Variants in VCL observed in about 807,000 individuals in gnomAD.
The protein encoded by VCL is vinculin.
Under a neutral mutation model 125.7 loss-of-function variants are expected in VCL, and 47 were observed. That is an observed-to-expected ratio of 0.37 (90% confidence interval 0.30 to 0.48). The LOEUF is 0.48. Ranked by LOEUF, VCL falls within the 20% of genes least tolerant of loss-of-function variation. The pLI, the probability that VCL is intolerant of heterozygous loss-of-function variation, is 0.99. For synonymous variants in VCL, 458 were observed against 514.6 expected (o/e 0.89, Z 1.49); for missense variants, 1,069 against 1,455.5 (o/e 0.73, Z 4.32).
chr10:74,089,433 C>T, intron 9 of VCL, 84 bp downstream of exon 9: 1 of 1,581,510 alleles, frequency 6.3e-7, no homozygotes, highest in Non-Finnish European at 8.6e-7. Flanking sequence ...TTCTCTGTCT[C>T]TTATCATTTA....
chr10:74,042,224 A>T (rs1351653028), intron 1 of VCL, among the ~76,000 whole-genome samples: 1 of 152,212 alleles, frequency 6.6e-6, no homozygotes, highest in African/African-American at 2.4e-5. Flanking sequence ...TGGCCCACAT[A>T]GTACTCAACC....
intron 1 of VCL, among the ~76,000 whole-genome samples, chr10:74,026,952 A>G (rs530127380): frequency 6.6e-6 from 1 of 152,370 alleles, no homozygotes; most frequent in South Asian, 2.1e-4. Flanking sequence ...CCATGGAGAC[A>G]ATGTTACATG....
In VCL at chr10:74,072,319, C is replaced by T. The variant is rs941694634; in HGVS notation, c.500-411C>T. 2.6e-5 allele frequency among the ~76,000 whole-genome samples: 4 copies of T among 152,030 alleles called. No homozygotes were observed. In the South Asian group the frequency reaches 6.2e-4, roughly 24 times the overall value. On this transcript the variant is annotated intron_variant, in intron 4 of 21. Coordinates refer to ENST00000211998, the MANE Select transcript of VCL (RefSeq NM_014000.3). ...AAACATATCATTGTTATTCTTAGAA[C>T]TTTTTTCAGCCACTAGATTCAGTAC...
At chr10:74,054,782 G>A (rs749610249) in intron 2 of VCL, among the ~76,000 whole-genome samples, 4 of 151,940 alleles carry the variant, frequency 2.6e-5, no homozygotes, top group Non-Finnish European at 5.9e-5. Context: ...TTAGCTGGGC[G>A]TGATGCTGCA....
Position 74,023,592 on chromosome 10 carries a change from T to C in VCL, c.169-19491T>C, listed in dbSNP as rs140358501. On this transcript the variant is annotated intron_variant, in intron 1 of 21. Coordinates refer to ENST00000211998, the MANE Select transcript of VCL (RefSeq NM_014000.3). ...CTAACTGGGAATAAGTTATCTGAGA[T>C]GGTATAGCCTAATTTACTAATGAGT... Among the ~76,000 whole-genome samples the C allele has an allele frequency of 7.9e-5, 12 of 152,350 alleles. 1 individual carries two copies. The highest frequency in any genetic ancestry group is 2.9e-4 in the African/African-American group (12 of 41,588).
intron 8 of VCL, among the ~76,000 whole-genome samples, chr10:74,085,699 T>C (rs574638705): frequency 9.2e-5 from 14 of 152,062 alleles, no homozygotes; most frequent in Non-Finnish European, 1.8e-4. Context: ...AAACTTGGAA[T>C]AGGATGAGAC....
At chr10:74,029,836 A>G (rs1222501656) in intron 1 of VCL, among the ~76,000 whole-genome samples, 1 of 152,160 alleles carries the variant, frequency 6.6e-6, no homozygotes, top group Non-Finnish European at 1.5e-5. Context: ...TCTGATTATG[A>G]AGGCAATACA....
downstream of VCL, chr10:74,121,226 T>C (rs1285373623): frequency 6.6e-6 from 1 of 152,206 alleles, no homozygotes; most frequent in Non-Finnish European, 1.5e-5. Flanking sequence ...GCTGCCTTCC[T>C]GCTGTAGTAT....
At chr10:74,110,006 G>T (rs1206930712) in intron 18 of VCL, among the ~76,000 whole-genome samples, 3 of 151,984 alleles carry the variant, frequency 2.0e-5, no homozygotes, top group Non-Finnish European at 1.5e-5. Flanking sequence ...TTTCCTCAGG[G>T]ACCTCCTGCA....
intron 1 of VCL, among the ~76,000 whole-genome samples, chr10:74,027,296 G>A (rs1158590146): frequency 2.0e-5 from 3 of 149,310 alleles, no homozygotes; most frequent in South Asian, 2.1e-4. Flanking sequence ...TTAGCTTTCC[G>A]TTTTAAATAT....
chr10:74,053,209 T>C (rs1841337434), intron 2 of VCL, among the ~76,000 whole-genome samples: 1 of 152,080 alleles, frequency 6.6e-6, no homozygotes, highest in African/African-American at 2.4e-5. Flanking sequence ...GTGGTGTCTT[T>C]GGGAGGAAGA....
intron 2 of VCL, among the ~76,000 whole-genome samples, chr10:74,063,168 G>A (rs1841506967): frequency 6.6e-6 from 1 of 152,180 alleles, no homozygotes. Context: ...AAAGTGTTGG[G>A]ATTACAGGCA....
intron 1 of VCL, among the ~76,000 whole-genome samples, chr10:74,021,144 G>A (rs918893131): frequency 6.6e-6 from 1 of 152,042 alleles, no homozygotes; most frequent in Admixed American, 6.6e-5. Flanking sequence ...AATGGGCCCA[G>A]TGCAGATGTC....
rs543855273 is a variant in VCL, at chr10:74,028,585, C to T, written c.169-14498C>T. Among the ~76,000 whole-genome samples the T allele has an allele frequency of 1.2e-3, 188 of 151,878 alleles. 1 individual carries two copies. Among genetic ancestry groups the T allele is most frequent in the Non-Finnish European group, 2.3e-3 (158 of 67,930 alleles). The stretch of plus-strand genomic sequence containing the variant: ...CTAATTTTTGTATTTTTAATAGAGA[C>T]GGGGTTTTACCACGTTGGCCAGGCT... On this transcript the variant is annotated intron_variant, in intron 1 of 21. Transcript: ENST00000211998.
Position 74,070,675 on chromosome 10 carries a change from A to C in VCL, c.245A>C (p.Glu82Ala). ...RDMPPAFIKV[E>A]NACTKLVQAA... ...ACCTGTGTTCTTCCCTATAGGGTTG[A>C]GAATGCTTGCACCAAGCTTGTCCAG... Residue 82 changes from glutamate (E) to alanine (A), a missense_variant, in exon 3 of 22, where the codon GAG (glutamate) becomes GCG (alanine). Around this residue, in one of 6 missense-constraint regions of VCL, gnomAD observed 96 missense variants for 137.6 expected, o/e 0.70. Transcript: ENST00000211998. 1.2e-6 allele frequency: 2 copies of C among 1,614,074 alleles called. No individual in the cohort carries two copies. The highest frequency in any genetic ancestry group is 1.7e-6 in the Non-Finnish European group (2 of 1,180,014).
intron 14 of VCL, among the ~76,000 whole-genome samples, chr10:74,101,320 T>C (rs1398814853): frequency 2.0e-5 from 3 of 149,622 alleles, no homozygotes; most frequent in Non-Finnish European, 4.4e-5. Context: ...ACCCCGACTC[T>C]ACCAAAAAAA....
At chr10:74,081,013 A>AT (rs1228180875) in intron 6 of VCL, among the ~76,000 whole-genome samples, 10 of 152,222 alleles carry the variant, frequency 6.6e-5, no homozygotes, top group African/African-American at 2.2e-4. Context: ...AAAATACCAC[A>AT]TATCTTCTTC....
intron 10 of VCL, among the ~76,000 whole-genome samples, chr10:74,092,930 T>C (rs1429513822): frequency 1.3e-5 from 2 of 152,200 alleles, no homozygotes; most frequent in Non-Finnish European, 2.9e-5. Context: ...ATGTTGTCCT[T>C]GAGGTAGATA....
At chr10:74,000,428 GT>G (rs1253526034) in intron 1 of VCL, among the ~76,000 whole-genome samples, 2 of 151,806 alleles carry the variant, frequency 1.3e-5, no homozygotes, top group Non-Finnish European at 2.9e-5. Context: ...TTGTTTGTTT[GT>G]TTTTGAGATG....
Sources: gnomAD v4.1 joint callset for allele counts (sites outside exome capture counted in the v4.1 genomes callset) on GRCh38, gnomAD v4.1.1 for gene constraint, gnomAD v4.1.1 regional missense constraint, MANE v1.5 for transcripts, NCBI Gene and HGNC (gene_info 2026-07-23, HGNC 2026-07-21) for gene names.